The following AP3B1 variants were observed in gnomAD, a reference collection of about 807,000 sequenced individuals.
AP3B1 encodes AP-3 complex subunit beta-1.
In AP3B1, 61 loss-of-function variants were observed where a neutral mutation model predicts 132.5. The ratio of observed to expected loss-of-function variants is 0.46; its 90% confidence interval spans 0.37 to 0.57. The LOEUF is 0.57. Among genes scored for constraint, AP3B1 ranks in the 20% least tolerant of loss-of-function variants. The pLI is 0.00. For missense variants in AP3B1, 1,120 were observed against 1,289.4 expected (o/e 0.87, Z 2.01); for synonymous variants, 388 against 438.3 (o/e 0.89, Z 1.43).
intron 1 of AP3B1, among the ~76,000 whole-genome samples, chr5:78,273,458 C>G (rs1236293730): frequency 6.6e-6 from 1 of 152,098 alleles, no homozygotes; most frequent in Non-Finnish European, 1.5e-5. Context: ...AGTACATTTC[C>G]CAAATTGCCA....
chr5:78,129,600 C>T (rs777568443), intron 15 of AP3B1, among the ~76,000 whole-genome samples: 12 of 151,980 alleles, frequency 7.9e-5, no homozygotes, highest in Non-Finnish European at 1.8e-4. Flanking sequence ...TATGGCAAAC[C>T]CGCTGAAGGG....
intron 17 of AP3B1, among the ~76,000 whole-genome samples, chr5:78,126,154 C>T (rs1323109892): frequency 6.6e-6 from 1 of 151,406 alleles, no homozygotes; most frequent in African/African-American, 2.4e-5. Context: ...GAAAGTATGT[C>T]CGTAGGAGGA....
intron 22 of AP3B1, among the ~76,000 whole-genome samples, chr5:78,051,170 T>A (rs924361451): frequency 1.3e-5 from 2 of 152,138 alleles, no homozygotes; most frequent in African/African-American, 4.8e-5. Context: ...AGAGTGCACA[T>A]AACTGTCTAC....
intron 2 of AP3B1, among the ~76,000 whole-genome samples, chr5:78,247,136 C>T (rs879351951): frequency 4.6e-5 from 7 of 151,484 alleles, no homozygotes; most frequent in Non-Finnish European, 7.4e-5. Flanking sequence ...AAATTTTGAT[C>T]TCTTCCAATG....
intron 5 of AP3B1, among the ~76,000 whole-genome samples, chr5:78,226,626 T>G (rs1369332497): frequency 6.6e-6 from 1 of 152,088 alleles, no homozygotes; most frequent in African/African-American, 2.4e-5. Context: ...GATATGCTAT[T>G]CATAATTAAG....
At chr5:78,107,536 A>T (rs1352379071) in intron 20 of AP3B1, among the ~76,000 whole-genome samples, 1 of 152,212 alleles carries the variant, frequency 6.6e-6, no homozygotes, top group Non-Finnish European at 1.5e-5. Flanking sequence ...GAGACAGATG[A>T]TTATTAACAA....
intron 24 of AP3B1, among the ~76,000 whole-genome samples, chr5:78,028,242 G>T (rs148363908): frequency 2.0e-5 from 3 of 151,738 alleles, no homozygotes; most frequent in Non-Finnish European, 4.4e-5. Flanking sequence ...TGGGCGGATC[G>T]CAAGGTCAGG....
chr5:78,113,080 G>A (rs1480596667), intron 19 of AP3B1, among the ~76,000 whole-genome samples: 2 of 152,214 alleles, frequency 1.3e-5, no homozygotes, highest in Non-Finnish European at 1.5e-5. Context: ...CCCAATCAGT[G>A]CTGTCAGCCA....
At chr5:78,112,272 G>T (rs910934989) in intron 19 of AP3B1, among the ~76,000 whole-genome samples, 1 of 152,132 alleles carries the variant, frequency 6.6e-6, no homozygotes, top group Non-Finnish European at 1.5e-5. Flanking sequence ...CAGAGCACAT[G>T]TAATTATATT....
At chr5:78,069,960 A>C (rs1049838965) in intron 22 of AP3B1, among the ~76,000 whole-genome samples, 12 of 152,190 alleles carry the variant, frequency 7.9e-5, no homozygotes, top group African/African-American at 2.2e-4. Flanking sequence ...ATCTACAACC[A>C]TCTGATCTTT....
intron 22 of AP3B1, among the ~76,000 whole-genome samples, chr5:78,064,061 T>C (rs917602721): frequency 3.3e-5 from 5 of 150,030 alleles, no homozygotes; most frequent in Non-Finnish European, 7.4e-5. Context: ...ACAATTCAGG[T>C]AAACACAGTG....
chr5:78,177,625 G>C (rs1385509526), intron 8 of AP3B1, among the ~76,000 whole-genome samples, 189 bp from the exon 9 acceptor site: 1 of 152,064 alleles, frequency 6.6e-6, no homozygotes, highest in Non-Finnish European at 1.5e-5. Flanking sequence ...CTCAGAATCT[G>C]ATCTTATTTG....
chr5:78,076,195 T>G (rs184564291), intron 22 of AP3B1, among the ~76,000 whole-genome samples: 30 of 152,338 alleles, frequency 2.0e-4, no homozygotes, highest in Admixed American at 2.0e-4. Flanking sequence ...AGGAGAGCAC[T>G]TGGTATACTG....
At chr5:78,144,597 G>A (rs1217547012) in intron 14 of AP3B1, among the ~76,000 whole-genome samples, 3 of 152,168 alleles carry the variant, frequency 2.0e-5, no homozygotes, top group African/African-American at 7.2e-5. Flanking sequence ...GACTCAATAT[G>A]CATTAAAGCC....
chr5:78,242,373 A>G (rs185267107), intron 2 of AP3B1, among the ~76,000 whole-genome samples: 48 of 150,778 alleles, frequency 3.2e-4, no homozygotes, highest in African/African-American at 1.1e-3. Context: ...ATCTCCTAAC[A>G]CCTGGGCCAC....
At chr5:78,177,041 T>A (rs947083668) in intron 9 of AP3B1, among the ~76,000 whole-genome samples, 4 of 152,228 alleles carry the variant, frequency 2.6e-5, no homozygotes, top group Non-Finnish European at 5.9e-5. Flanking sequence ...AACATCATTA[T>A]TGCCATACCT....
intron 15 of AP3B1, among the ~76,000 whole-genome samples, chr5:78,133,281 C>G (rs1752762734): frequency 6.6e-6 from 1 of 152,118 alleles, no homozygotes; most frequent in African/African-American, 2.4e-5. Context: ...GCCTGCTGTT[C>G]TAAAAGGAAG....
rs573051502 is a variant in AP3B1, at chr5:78,079,061, A to G, written c.2577+10332T>C. ...GCAAGCCTTAAGTAATACAGCTAGT[A>G]TTCCACCATCTGAAAGTCAGACCAT... On this transcript the variant is annotated intron_variant, in intron 22 of 26. Coordinates refer to ENST00000255194, the MANE Select transcript of AP3B1 (RefSeq NM_003664.5). Among the ~76,000 whole-genome samples, 29 of 152,364 alleles carry G rather than the reference A, an allele frequency of 1.9e-4. 1 individual carries two copies. The South Asian group carries it at 6.0e-3, about 32-fold the overall frequency.
chr5:78,091,974 A>G (rs984571094), intron 21 of AP3B1, among the ~76,000 whole-genome samples: 2 of 152,234 alleles, frequency 1.3e-5, no homozygotes, highest in African/African-American at 4.8e-5. Flanking sequence ...GGAGATTAAT[A>G]TTGACAAGGT....
Sources: allele counts gnomAD v4.1 joint callset (sites outside exome capture counted in the v4.1 genomes callset), GRCh38; gene constraint gnomAD v4.1.1; transcripts MANE v1.5; gene names NCBI Gene and HGNC (gene_info 2026-07-23, HGNC 2026-07-21).